CACNA1D: variants seen among roughly 807,000 people sequenced by gnomAD.
CACNA1D encodes the protein voltage-dependent L-type calcium channel subunit alpha-1D.
Under a neutral mutation model 257.1 loss-of-function variants are expected in CACNA1D, and 55 were observed. That is an observed-to-expected ratio of 0.21 (90% CI 0.17 to 0.27). The LOEUF (loss-of-function observed/expected upper bound fraction) is 0.27, where lower values mean the gene tolerates loss of function less well. Among genes scored for constraint, CACNA1D ranks in the 10% least tolerant of loss-of-function variants. The pLI, the probability that CACNA1D is intolerant of heterozygous loss-of-function variation, is 1.00. For missense variants in CACNA1D, 1,876 were observed against 2,784.0 expected (o/e 0.67, Z 7.34); for synonymous variants, 980 against 1,014.9 (o/e 0.97, Z 0.65).
Position 53,600,030 on chromosome 3 carries a change from G to A in CACNA1D, c.484-50749G>A, listed in dbSNP as rs76764558. On this transcript the variant is annotated intron_variant, in intron 3 of 47. Coordinates refer to ENST00000350061, the MANE Select transcript of CACNA1D (RefSeq NM_001128840.3). ...GAAGAAATTGGTTTCTCAGCCTTGA[G>A]ATATTCTGCAGATACTGAAGTACAG... Among the ~76,000 whole-genome samples the A allele has an allele frequency of 9.6e-3, 1,462 of 152,370 alleles. 23 individuals are homozygous for A. Among genetic ancestry groups the A allele is most frequent in the African/African-American group, 0.034 (1,397 of 41,582 alleles).
At chr3:53,546,962 C>T (rs573361960) in intron 3 of CACNA1D, among the ~76,000 whole-genome samples, 4 of 152,162 alleles carry the variant, frequency 2.6e-5, no homozygotes, top group Non-Finnish European at 5.9e-5. Context: ...TGTATTATTA[C>T]ATACTATACT....
intron 3 of CACNA1D, among the ~76,000 whole-genome samples, chr3:53,530,964 C>T (rs1199541300): frequency 2.0e-5 from 3 of 151,904 alleles, no homozygotes; most frequent in African/African-American, 7.3e-5. Flanking sequence ...CCTCCTACCT[C>T]AGCCTCCCGA....
intron 9 of CACNA1D, 127 bp downstream of exon 9, chr3:53,702,937 C>A: frequency 1.1e-6 from 1 of 948,776 alleles, no homozygotes; most frequent in Non-Finnish European, 1.7e-6. Flanking sequence ...CATCTGGTCC[C>A]TTCTGCCTGC....
intron 8 of CACNA1D, among the ~76,000 whole-genome samples, chr3:53,677,793 C>A (rs1032686653): frequency 5.9e-5 from 9 of 152,216 alleles, no homozygotes; most frequent in African/African-American, 1.9e-4. Context: ...GTTAAGCACA[C>A]CAGCTTTAGA....
At chr3:53,576,099 A>T (rs1026241263) in intron 3 of CACNA1D, among the ~76,000 whole-genome samples, 1 of 152,184 alleles carries the variant, frequency 6.6e-6, no homozygotes, top group Admixed American at 6.5e-5. Flanking sequence ...GCTTTGCCTT[A>T]TCGGCTGTCC....
intron 3 of CACNA1D, among the ~76,000 whole-genome samples, chr3:53,623,810 T>G (rs2093726304): frequency 6.6e-6 from 1 of 152,350 alleles, no homozygotes. Flanking sequence ...GTGATCATCC[T>G]GAAGGTGTTT....
At chr3:53,600,843 C>G (rs1046659423) in intron 3 of CACNA1D, among the ~76,000 whole-genome samples, 2 of 152,018 alleles carry the variant, frequency 1.3e-5, no homozygotes, top group African/African-American at 4.8e-5. Context: ...TAGCTTTAAC[C>G]CCCCTGTTCG....
At chr3:53,559,184 A>G (rs1240020810) in intron 3 of CACNA1D, among the ~76,000 whole-genome samples, 1 of 152,062 alleles carries the variant, frequency 6.6e-6, no homozygotes, top group Non-Finnish European at 1.5e-5. Context: ...TTTAAGTTTT[A>G]TTGTATCTTT....
intron 29 of CACNA1D, among the ~76,000 whole-genome samples, chr3:53,756,145 T>C (rs1459310211): frequency 6.6e-6 from 1 of 152,092 alleles, no homozygotes; most frequent in Non-Finnish European, 1.5e-5. Flanking sequence ...AAAATAAGTA[T>C]AGAAAGTGAG....
In CACNA1D at chr3:53,673,850, G is replaced by A. The variant is rs778284331; in HGVS notation, c.1220+724G>A. Reference sequence around the variant, plus strand: ...TCGGATCCGTGTTGCACCTTCTCCTGCTGCCACGTGTGAGGCAACTCTGCG... The same window carrying A: ...TCGGATCCGTGTTGCACCTTCTCCTACTGCCACGTGTGAGGCAACTCTGCG... On this transcript the variant is annotated intron_variant, in intron 8 of 47. Transcript: ENST00000350061. This position sits in a 1 kb window ranked among gnomAD's most constrained non-coding sequence, Gnocchi z 4.1. 1.5e-6 allele frequency: 2 copies of A among 1,377,134 alleles called. No individual in the cohort carries two copies. The highest frequency in any genetic ancestry group is 2.1e-6 in the Non-Finnish European group (2 of 963,680). The allele number at this position is 1,377,134 out of a possible 1,614,324, so 85.3% of individuals were successfully genotyped here.
chr3:53,625,120 A>G (rs960507995), intron 3 of CACNA1D, among the ~76,000 whole-genome samples: 1 of 152,170 alleles, frequency 6.6e-6, no homozygotes, highest in Non-Finnish European at 1.5e-5. Flanking sequence ...AGCTCAGTAC[A>G]GTAGGCTATA....
At chr3:53,661,183 G>A (rs1037616267) in intron 5 of CACNA1D, among the ~76,000 whole-genome samples, 14 of 152,202 alleles carry the variant, frequency 9.2e-5, no homozygotes, top group African/African-American at 3.4e-4. Context: ...GTGCGTCTGA[G>A]CAAGAATATG....
chr3:53,639,418 G>A (rs1280419463), intron 3 of CACNA1D, among the ~76,000 whole-genome samples: 2 of 150,100 alleles, frequency 1.3e-5, no homozygotes, highest in Non-Finnish European at 3.0e-5. Context: ...ATGGAGTCTC[G>A]CTCTGTCAAC....
rs191240224 is a variant in CACNA1D, at chr3:53,737,164, G to T, written c.2751+1661G>T. On this transcript the variant is annotated intron_variant, in intron 20 of 47. Coordinates refer to ENST00000350061, the MANE Select transcript of CACNA1D (RefSeq NM_001128840.3). ...AAATACCAAAAATTAGCCAGGTGTGGTGGTGCACGCCTGTAGTCCCGACTA... is the reference window on the plus strand; with the variant it reads ...AAATACCAAAAATTAGCCAGGTGTGTTGGTGCACGCCTGTAGTCCCGACTA... Among the ~76,000 whole-genome samples, 192 of 152,152 alleles carry T rather than the reference G, an allele frequency of 1.3e-3. 1 individual carries two copies. The Middle Eastern group carries it at 0.031, about 24-fold the overall frequency.
chr3:53,731,479 G>A (rs1303520654), intron 17 of CACNA1D, among the ~76,000 whole-genome samples: 2 of 152,210 alleles, frequency 1.3e-5, no homozygotes, highest in East Asian at 3.8e-4. Flanking sequence ...TATGAAAATC[G>A]CGGATTTTTA....
intron 3 of CACNA1D, among the ~76,000 whole-genome samples, chr3:53,607,369 G>A (rs1414235853): frequency 2.0e-5 from 3 of 152,210 alleles, no homozygotes; most frequent in East Asian, 3.9e-4. Flanking sequence ...CTGGAAGTGG[G>A]CAAGCCCAGG....
At chr3:53,746,486 A>G (rs1030746666) in intron 25 of CACNA1D, among the ~76,000 whole-genome samples, 13 of 152,200 alleles carry the variant, frequency 8.5e-5, no homozygotes, top group African/African-American at 3.1e-4. Context: ...GCCATTGCCT[A>G]AAGTTTCAGA....
intron 15 of CACNA1D, among the ~76,000 whole-genome samples, chr3:53,728,936 T>C (rs115402599): frequency 0.033 from 4,981 of 152,316 alleles, 270 homozygotes; most frequent in African/African-American, 0.11. Context: ...CTCTGGAAAG[T>C]TGTTACAAGC....
chr3:53,540,201 C>T (rs1418476873), intron 3 of CACNA1D, among the ~76,000 whole-genome samples: 1 of 152,002 alleles, frequency 6.6e-6, no homozygotes, highest in Non-Finnish European at 1.5e-5. Flanking sequence ...TCACTGTAAC[C>T]TCTACCTCCC....
Sources: gnomAD v4.1 joint callset for allele counts (sites outside exome capture counted in the v4.1 genomes callset) on GRCh38, gnomAD v4.1.1 for gene constraint, Gnocchi (gnomAD v3.1) non-coding constraint, MANE v1.5 for transcripts, NCBI Gene and HGNC (gene_info 2026-07-23, HGNC 2026-07-21) for gene names.